MUC5AC: variants seen among roughly 807,000 people sequenced by gnomAD.
MUC5AC encodes the protein mucin 5AC, oligomeric mucus/gel-forming.
Under a neutral mutation model 169.7 loss-of-function variants are expected in MUC5AC, and 158 were observed. The observed-to-expected ratio is 0.93, with a 90% CI of 0.82 to 1.06. The LOEUF (loss-of-function observed/expected upper bound fraction) is 1.06. Among genes scored for constraint, MUC5AC ranks in the 50% least tolerant of loss-of-function variants. MUC5AC has a pLI of 0.00. For synonymous variants in MUC5AC, 1,975 were observed against 1,237.0 expected (o/e 1.60, Z -12.52); for missense variants, 4,359 against 3,089.9 (o/e 1.41, Z -9.74).
At chr11:1,198,646 C>T (rs1331121483) in intron 43 of MUC5AC, among the ~76,000 whole-genome samples, 1 of 152,134 alleles carries the variant, frequency 6.6e-6, no homozygotes. Flanking sequence ...GGCACCCCAT[C>T]CAAGGGGGTG....
chr11:1,167,491 G>A (rs753572644), intron 11 of MUC5AC, among the ~76,000 whole-genome samples: 3 of 152,226 alleles, frequency 2.0e-5, no homozygotes, highest in East Asian at 1.9e-4. Flanking sequence ...GAAATTCCAC[G>A]TTTAAGACAG....
At chr11:1,179,426 C>A (rs1355455779) in intron 26 of MUC5AC, among the ~76,000 whole-genome samples, 178 bp downstream of exon 26, 3 of 148,564 alleles carry the variant, frequency 2.0e-5, no homozygotes, top group Admixed American at 6.7e-5. Context: ...CATGGTAGAA[C>A]GTTCTGGGCA....
At chr11:1,174,805 G>A in intron 17 of MUC5AC, 77 bp from the exon 18 acceptor site, 1 of 448,158 alleles carries the variant, frequency 2.2e-6, no homozygotes, top group Non-Finnish European at 4.0e-6. Context: ...TAGCCGAGAG[G>A]GCTGGGCTCA....
In MUC5AC at chr11:1,199,067, C is replaced by A. The variant is rs1167741238; in HGVS notation, c.16297-20C>A. The A allele has an allele frequency of 1.3e-6, 1 of 763,816 alleles. No homozygotes were observed. Among genetic ancestry groups the A allele is most frequent in the South Asian group, 1.3e-5 (1 of 74,408 alleles). The allele number at this position is 763,816 out of a possible 1,614,324, so 47.3% of individuals were successfully genotyped here. A position where few individuals can be genotyped will look rare whatever the true frequency, so the allele number is the denominator to read the frequency against. On this transcript the variant is annotated intron_variant, in intron 44 of 48. Transcript: ENST00000621226. Reference sequence around the variant, plus strand: ...GCAGCGGTCGCCTGGATTCCAGCCACATGTCCATCCCTCCCGCAGGGCTTC... The same window carrying A: ...GCAGCGGTCGCCTGGATTCCAGCCAAATGTCCATCCCTCCCGCAGGGCTTC...
intron 24 of MUC5AC, among the ~76,000 whole-genome samples, chr11:1,177,839 G>A (rs1278621960): frequency 6.6e-6 from 1 of 152,336 alleles, no homozygotes. Flanking sequence ...TGGGGCTAGA[G>A]CAAAGGCCCG....
chr11:1,185,596 C>A lies in MUC5AC; in HGVS notation c.7451C>A (p.Thr2484Lys). The change falls in exon 31 of 49, where the codon ACA becomes AAA. Residue 2484 changes from threonine (T) to lysine (K), a missense_variant. By Grantham distance (78) the Thr-to-Lys change is moderately conservative. Transcript: ENST00000621226. ...ACAACCTCTGCCGCTACAACCAGCA[C>A]AACCTCTGGTCCTGAAACTACTCCT... ...SSTTSAATTS[T>K]TSGPETTPRP... 2 of 727,828 alleles carry A rather than the reference C, an allele frequency of 2.7e-6. No homozygotes were observed. The highest frequency in any genetic ancestry group is 5.0e-6 in the Non-Finnish European group (2 of 399,014). 45.1% of individuals were successfully genotyped at this position (727,828 alleles called of 1,614,324 possible).
Position 1,182,212 on chromosome 11 carries a change from C to G in MUC5AC, c.4067C>G (p.Pro1356Arg). ...CCAAGCAGCGCGCACACAGGCCCTC[C>G]GAGCAGCGCCTGGCCCACCACAGCA... The part of the protein sequence containing the change: ...NGPSSAHTGP[P>R]SSAWPTTAGT... Residue 1356 changes from proline (P) to arginine (R), a missense_variant, in exon 31 of 49, where the codon CCG (proline) becomes CGG (arginine). Coordinates refer to ENST00000621226, the MANE Select transcript of MUC5AC (RefSeq NM_001304359.2). 2.5e-6 allele frequency: 1 copy of G among 398,694 alleles called. No homozygotes were observed. The highest frequency in any genetic ancestry group is 3.6e-5 in the East Asian group (1 of 28,060). 24.7% of individuals were successfully genotyped at this position (398,694 alleles called of 1,614,324 possible). A position where few individuals can be genotyped will look rare whatever the true frequency, so the allele number is the denominator to read the frequency against.
chr11:1,188,698 G>A lies in MUC5AC; in HGVS notation c.10553G>A (p.Arg3518Lys), dbSNP rs1374534298. ...SKTTHSQPVTRDCHPRCTWTK... is the reference protein window; with the variant it reads ...SKTTHSQPVTKDCHPRCTWTK... ...ACAACCCACTCCCAACCAGTCACCA[G>A]AGACTGTCATCCCCGGTGCACCTGG... is the stretch of plus-strand genomic sequence containing the variant. Residue 3518 changes from arginine (R) to lysine (K), a missense_variant, in exon 31 of 49, where the codon AGA becomes AAA. Arg to Lys is a conservative substitution (Grantham distance 26). Transcript: ENST00000621226. 3.0e-5 allele frequency: 23 copies of A among 764,940 alleles called. 1 individual carries two copies. In the African/African-American group the frequency reaches 3.5e-4, roughly 12 times the overall value. The allele number at this position is 764,940 out of a possible 1,614,324, so 47.4% of individuals were successfully genotyped here. A position where few individuals can be genotyped will look rare whatever the true frequency, so the allele number is the denominator to read the frequency against.
intron 26 of MUC5AC, among the ~76,000 whole-genome samples, 192 bp from the exon 27 acceptor site, chr11:1,179,829 AC>A (rs1286709410): frequency 2.0e-5 from 3 of 151,826 alleles, no homozygotes; most frequent in African/African-American, 7.3e-5. Flanking sequence ...CTGACTGGAG[AC>A]CCCACTCTGG....
chr11:1,178,530 G>T lies in MUC5AC; in HGVS notation c.3174G>T (p.Val1058=). 7.6e-7 allele frequency: 1 copy of T among 1,318,474 alleles called. No homozygotes were observed. The allele number at this position is 1,318,474 out of a possible 1,614,324, so 81.7% of individuals were successfully genotyped here. The change falls in exon 25 of 49, where the codon GTG becomes GTT. Residue 1058 remains valine, a synonymous_variant. Transcript: ENST00000621226. The stretch of plus-strand genomic sequence containing the variant: ...GGAGCCGGTCTGTGGTGGGGGACGT[G>T]CTGGAGTTTGGGAACAGCTGGAAGC... ...ATRSRSVVGD[V]LEFGNSWKLS...
rs1403271580 is a variant in MUC5AC, at chr11:1,188,492, T to C, written c.10347T>C (p.Ala3449=). 2.9e-6 allele frequency: 2 copies of C among 700,694 alleles called. No individual in the cohort carries two copies. Among genetic ancestry groups the C allele is most frequent in the Non-Finnish European group, 2.6e-6 (1 of 384,060 alleles). 43.4% of individuals were successfully genotyped at this position (700,694 alleles called of 1,614,324 possible). A position where few individuals can be genotyped will look rare whatever the true frequency, so the allele number is the denominator to read the frequency against. The change falls in exon 31 of 49, where the codon GCT becomes GCC. Residue 3449 remains alanine (A), a synonymous_variant. Transcript: ENST00000621226. ...CCCCTACAACCAGCACAACCTCTGCTACTACAACCAGCACAACCTCTGCCC... is the reference window on the plus strand; with the variant it reads ...CCCCTACAACCAGCACAACCTCTGCCACTACAACCAGCACAACCTCTGCCC... The part of the protein sequence containing the change: ...TSSPTTSTTS[A]TTTSTTSAPT...
At chr11:1,161,368 T>A (rs1232207032) in intron 2 of MUC5AC, among the ~76,000 whole-genome samples, 159 bp from the exon 3 acceptor site, 6 of 37,670 alleles carry the variant, frequency 1.6e-4, no homozygotes, top group Non-Finnish European at 3.0e-4. Flanking sequence ...AACGTGCAGA[T>A]GGTGGGTGGG....
rs1268956900 is a variant in MUC5AC, at chr11:1,175,117, G to A, written c.2328G>A (p.Val776=). The A allele has an allele frequency of 1.3e-5, 5 of 398,758 alleles. No individual in the cohort carries two copies. Among genetic ancestry groups the A allele is most frequent in the African/African-American group, 8.2e-5 (4 of 48,566 alleles). 24.7% of individuals were successfully genotyped at this position (398,758 alleles called of 1,614,324 possible). ...CCATGATCCCCAATGGGGAGTCGGT[G>A]CACGACAGCGGGGCTATCTGGTAAG... is the stretch of plus-strand genomic sequence containing the variant. The part of the protein sequence containing the change: ...RGSMIPNGES[V]HDSGAICTCT... Residue 776 remains valine (V), a synonymous_variant, in exon 18 of 49, where the codon GTG becomes GTA. Transcript: ENST00000621226.
chr11:1,189,473 C>A lies in MUC5AC; in HGVS notation c.11328C>A (p.Thr3776=). 4 of 575,890 alleles carry A rather than the reference C, an allele frequency of 6.9e-6. No homozygotes were observed. Among genetic ancestry groups the A allele is most frequent in the Non-Finnish European group, 9.2e-6 (3 of 325,400 alleles). 35.7% of individuals were successfully genotyped at this position (575,890 alleles called of 1,614,324 possible). A position where few individuals can be genotyped will look rare whatever the true frequency, so the allele number is the denominator to read the frequency against. ...STSSAPTTNT[T]SAPTTSTTSA... ...CCTCGGCTCCTACAACCAACACAAC[C>A]TCTGCCCCTACAACTAGCACTACCT... The change falls in exon 31 of 49, where the codon ACC becomes ACA. Residue 3776 remains threonine, a synonymous_variant. Coordinates refer to ENST00000621226, the MANE Select transcript of MUC5AC (RefSeq NM_001304359.2).
At position 1,185,694 on chromosome 11, in the gene MUC5AC, A is replaced by G; in HGVS notation, c.7549A>G (p.Thr2517Ala). ...STTSAPTTST[T>A]SASTTSTTSG... ...AACCTCTGCTCCTACAACCAGCACAACCTCTGCTTCTACAACCAGCACAAC... is the reference window on the plus strand; with the variant it reads ...AACCTCTGCTCCTACAACCAGCACAGCCTCTGCTTCTACAACCAGCACAAC... Residue 2517 changes from threonine (T) to alanine (A), a missense_variant, in exon 31 of 49, where the codon ACC becomes GCC. By Grantham distance (58) the Thr-to-Ala change is moderately conservative. Coordinates refer to ENST00000621226, the MANE Select transcript of MUC5AC (RefSeq NM_001304359.2). 1.3e-6 allele frequency: 1 copy of G among 742,676 alleles called. No individual in the cohort carries two copies. The highest frequency in any genetic ancestry group is 1.7e-5 in the African/African-American group (1 of 58,194). The allele number at this position is 742,676 out of a possible 1,614,324, so 46.0% of individuals were successfully genotyped here.
In MUC5AC at chr11:1,186,057, C is replaced by T; in HGVS notation, c.7912C>T (p.Pro2638Ser). Residue 2638 changes from proline (P) to serine (S), a missense_variant, in exon 31 of 49, where the codon CCT (proline) becomes TCT (serine). Coordinates refer to ENST00000621226, the MANE Select transcript of MUC5AC (RefSeq NM_001304359.2). ...CTCTGGTCCTGAAACTACTCCCAGC[C>T]CTGTTCCTACCGCCAGCACAACCTC... is the stretch of plus-strand genomic sequence containing the variant. Reference protein sequence around the residue: ...RISGPETTPSPVPTASTTSAS... With the variant: ...RISGPETTPSSVPTASTTSAS... The T allele has an allele frequency of 1.4e-6, 1 of 737,180 alleles. No individual in the cohort carries two copies. Among genetic ancestry groups the T allele is most frequent in the Non-Finnish European group, 2.5e-6 (1 of 404,706 alleles). 45.7% of individuals were successfully genotyped at this position (737,180 alleles called of 1,614,324 possible).
chr11:1,161,919 C>T lies in MUC5AC; in HGVS notation c.224C>T (p.Ala75Val), dbSNP rs1240184667. ...GCTTCCACCGCAGCCTCCAACCCGG[C>T]GCACAACGGGCGGGTGTGCAGCACC... ...TIPVVRASNPAHNGRVCSTWG... is the reference protein window; with the variant it reads ...TIPVVRASNPVHNGRVCSTWG... The change falls in exon 4 of 49, where the codon GCG becomes GTG. Residue 75 changes from alanine (A) to valine (V), a missense_variant. Coordinates refer to ENST00000621226, the MANE Select transcript of MUC5AC (RefSeq NM_001304359.2). 11 of 1,611,430 alleles carry T rather than the reference C, an allele frequency of 6.8e-6. No homozygotes were observed. The highest frequency in any genetic ancestry group is 4.0e-5 in the African/African-American group (3 of 74,910).
At chr11:1,178,353 C>T (rs1590142098) in intron 24 of MUC5AC, 91 bp from the exon 25 acceptor site, 1 of 360,932 alleles carries the variant, frequency 2.8e-6, no homozygotes, top group Non-Finnish European at 5.0e-6. Context: ...GGCAGGGTGG[C>T]CCTGGGTGGG....
chr11:1,190,071 G>A lies in MUC5AC; in HGVS notation c.11926G>A (p.Asp3976Asn). The A allele has an allele frequency of 1.3e-6, 1 of 764,198 alleles. No individual in the cohort carries two copies. The highest frequency in any genetic ancestry group is 1.3e-5 in the South Asian group (1 of 74,518). The allele number at this position is 764,198 out of a possible 1,614,324, so 47.3% of individuals were successfully genotyped here. A position where few individuals can be genotyped will look rare whatever the true frequency, so the allele number is the denominator to read the frequency against. The change falls in exon 31 of 49, where the codon GAC becomes AAC. Residue 3976 changes from aspartate (D) to asparagine (N), a missense_variant. Coordinates refer to ENST00000621226, the MANE Select transcript of MUC5AC (RefSeq NM_001304359.2). The stretch of plus-strand genomic sequence containing the variant: ...TCCATCCCCTGGACCCCACGGTGGG[G>A]ACAAGGAAACCTACAACAACATCAT... ...DFPSPGPHGG[D>N]KETYNNIIRS...
Sources: gnomAD v4.1 joint callset for allele counts (sites outside exome capture counted in the v4.1 genomes callset) on GRCh38, gnomAD v4.1.1 for gene constraint, MANE v1.5 for transcripts, NCBI Gene and HGNC (gene_info 2026-07-23, HGNC 2026-07-21) for gene names.